Variants in KCNH8 observed in about 807,000 individuals in gnomAD.
KCNH8 encodes voltage-gated delayed rectifier potassium channel KCNH8.
KCNH8 carries 70 observed loss-of-function variants against 103.6 expected under a neutral mutation model. The observed-to-expected ratio is 0.68, with a 90% CI of 0.56 to 0.82. The LOEUF (loss-of-function observed/expected upper bound fraction) is 0.82. KCNH8 is among the 40% of genes least tolerant of loss of function. KCNH8 has a pLI of 0.00. For missense variants in KCNH8, 1,217 were observed against 1,329.9 expected (o/e 0.92, Z 1.32); for synonymous variants, 498 against 489.4 (o/e 1.02, Z -0.23).
At chr3:19,308,907 T>A (rs1340607918) in intron 3 of KCNH8, among the ~76,000 whole-genome samples, 1 of 151,492 alleles carries the variant, frequency 6.6e-6, no homozygotes, top group East Asian at 1.9e-4. Flanking sequence ...AATCTGTTTT[T>A]AAGGGAGCAG....
intron 11 of KCNH8, among the ~76,000 whole-genome samples, chr3:19,470,473 G>A (rs560396253): frequency 1.1e-4 from 16 of 152,270 alleles, no homozygotes; most frequent in Non-Finnish European, 2.1e-4. Flanking sequence ...AATTTAAATA[G>A]GAGCAGAGTA....
At chr3:19,177,812 A>G (rs1024622208) in intron 1 of KCNH8, among the ~76,000 whole-genome samples, 1 of 152,116 alleles carries the variant, frequency 6.6e-6, no homozygotes, top group Non-Finnish European at 1.5e-5. Context: ...GTTTATAGAC[A>G]ATTAAAATGA....
intron 1 of KCNH8, among the ~76,000 whole-genome samples, chr3:19,195,549 A>G (rs1404549288): frequency 6.6e-6 from 1 of 151,950 alleles, no homozygotes; most frequent in Non-Finnish European, 1.5e-5. Context: ...ATCATTTAAC[A>G]ATGGAACATC....
intron 8 of KCNH8, among the ~76,000 whole-genome samples, chr3:19,443,521 T>C (rs186125076): frequency 5.5e-4 from 84 of 151,616 alleles, no homozygotes; most frequent in African/African-American, 1.9e-3. Flanking sequence ...TATAGGCATC[T>C]GTAATTATGG....
At chr3:19,429,789 A>C (rs1431815086) in intron 7 of KCNH8, among the ~76,000 whole-genome samples, 2 of 151,520 alleles carry the variant, frequency 1.3e-5, no homozygotes, top group Non-Finnish European at 2.9e-5. Flanking sequence ...TGTTCTCATC[A>C]TTTAGCTCCC....
chr3:19,206,168 G>GTGTGTATATATATA (rs979868166), intron 1 of KCNH8, among the ~76,000 whole-genome samples: 14 of 139,262 alleles, frequency 1.0e-4, no homozygotes, highest in African/African-American at 4.0e-4. Context: ...TGGTGTGTGT[G>GTGTGTATATATATA]TATATATATA....
intron 10 of KCNH8, among the ~76,000 whole-genome samples, chr3:19,453,654 C>T (rs1210523846): frequency 6.6e-6 from 1 of 152,070 alleles, no homozygotes; most frequent in African/African-American, 2.4e-5. Flanking sequence ...AGGGCACAGC[C>T]CTCGTGAATG....
intron 1 of KCNH8, among the ~76,000 whole-genome samples, chr3:19,226,275 G>C (rs2063930359): frequency 6.6e-6 from 1 of 152,138 alleles, no homozygotes; most frequent in South Asian, 2.1e-4. Flanking sequence ...CACATATTTG[G>C]TATAATTATA....
intron 5 of KCNH8, among the ~76,000 whole-genome samples, chr3:19,365,046 ATTAC>A (rs1451923430): frequency 1.3e-5 from 2 of 152,118 alleles, no homozygotes; most frequent in African/African-American, 4.8e-5. Context: ...AATTATAAGA[ATTAC>A]TTTATTCACC....
chr3:19,426,599 G>A (rs2067032567), intron 7 of KCNH8, among the ~76,000 whole-genome samples: 1 of 151,180 alleles, frequency 6.6e-6, no homozygotes, highest in Admixed American at 6.6e-5. Context: ...ATGGCCAGGG[G>A]CTAGGTGTCA....
chr3:19,216,594 C>A (rs1172097705), intron 1 of KCNH8, among the ~76,000 whole-genome samples: 1 of 152,144 alleles, frequency 6.6e-6, no homozygotes, highest in Non-Finnish European at 1.5e-5. Context: ...CATAATTATT[C>A]CTCATACTAC....
chr3:19,519,734 T>G (rs1352942540), intron 15 of KCNH8, among the ~76,000 whole-genome samples: 1 of 152,034 alleles, frequency 6.6e-6, no homozygotes, highest in East Asian at 1.9e-4. Flanking sequence ...GATGTTAACC[T>G]TCTGTTCAAC....
intron 1 of KCNH8, among the ~76,000 whole-genome samples, chr3:19,188,416 T>C (rs1307860258): frequency 6.6e-6 from 1 of 152,134 alleles, no homozygotes; most frequent in East Asian, 1.9e-4. Context: ...AAAGCAACCA[T>C]AGACAATATG....
chr3:19,168,699 C>G (rs891804720), intron 1 of KCNH8, among the ~76,000 whole-genome samples: 2 of 152,112 alleles, frequency 1.3e-5, no homozygotes, highest in African/African-American at 4.8e-5. Context: ...GAATGTCTTC[C>G]CATTCGTGTA....
intron 14 of KCNH8, among the ~76,000 whole-genome samples, chr3:19,515,722 C>T (rs926186525): frequency 6.6e-6 from 1 of 151,928 alleles, no homozygotes; most frequent in Non-Finnish European, 1.5e-5. Flanking sequence ...CCATGTTTTA[C>T]TATTATAAAT....
chr3:19,340,633 C>T (rs1169684576), intron 3 of KCNH8, among the ~76,000 whole-genome samples: 1 of 151,984 alleles, frequency 6.6e-6, no homozygotes, highest in Non-Finnish European at 1.5e-5. Flanking sequence ...CTTTTTGTTA[C>T]TAAAATATAG....
At chr3:19,163,821 C>T (rs2063257035) in intron 1 of KCNH8, among the ~76,000 whole-genome samples, 1 of 152,184 alleles carries the variant, frequency 6.6e-6, no homozygotes, top group South Asian at 2.1e-4. Flanking sequence ...TGATTATCCA[C>T]TTCCATTTAA....
chr3:19,508,368 A>C (rs2068731211), intron 11 of KCNH8, among the ~76,000 whole-genome samples: 1 of 152,222 alleles, frequency 6.6e-6, no homozygotes, highest in Non-Finnish European at 1.5e-5. Flanking sequence ...ACTTAAATAT[A>C]GTATTGCATT....
At chr3:19,491,575 T>C (rs1390891521) in intron 11 of KCNH8, among the ~76,000 whole-genome samples, 2 of 152,222 alleles carry the variant, frequency 1.3e-5, no homozygotes, top group South Asian at 4.1e-4. Context: ...ACATTTTCTT[T>C]ATCCAATCCA....
Sources: gnomAD v4.1 joint callset for allele counts (sites outside exome capture counted in the v4.1 genomes callset) on GRCh38, gnomAD v4.1.1 for gene constraint, MANE v1.5 for transcripts, NCBI Gene and HGNC (gene_info 2026-07-23, HGNC 2026-07-21) for gene names.